CPZ: variants seen among roughly 807,000 people sequenced by gnomAD.
CPZ encodes the protein carboxypeptidase Z.
Under a neutral mutation model 61.8 loss-of-function variants are expected in CPZ, and 103 were observed. That is an observed-to-expected ratio of 1.67 (90% CI 1.42 to 1.96). The LOEUF is 1.96. Ranked by LOEUF, CPZ falls within the 30% of genes most tolerant of loss-of-function variation. CPZ has a pLI of 0.00. For missense variants in CPZ, 1,461 were observed against 914.9 expected (o/e 1.60, Z -7.70); for synonymous variants, 551 against 373.7 (o/e 1.47, Z -5.47).
intron 7 of CPZ, among the ~76,000 whole-genome samples, chr4:8,609,147 C>CTT (rs1247709088): frequency 2.1e-5 from 2 of 94,056 alleles, no homozygotes; most frequent in African/African-American, 8.6e-5. Flanking sequence ...TACTCATTCA[C>CTT]CCACTCCCTC....
chr4:8,604,034 C>T lies in CPZ; in HGVS notation c.555C>T (p.Phe185=). ...PSGLPPTFIR[F]SHHSYAQMVR... ...GGCTGCCGCCCACCTTCATCCGCTT[C>T]AGCCACCACTCCTACGCCCAGATGG... Residue 185 remains phenylalanine (F), a synonymous_variant, in exon 4 of 11, where the codon TTC becomes TTT. Coordinates refer to ENST00000360986, the MANE Select transcript of CPZ (RefSeq NM_001014447.3). 6.2e-7 allele frequency: 1 copy of T among 1,612,200 alleles called. No individual in the cohort carries two copies.
chr4:8,603,975 G>C lies in CPZ; in HGVS notation c.497-1G>C, dbSNP rs750039535. On this transcript the variant is annotated splice_acceptor_variant, in intron 3 of 10. Coordinates refer to ENST00000360986, the MANE Select transcript of CPZ (RefSeq NM_001014447.3). LOFTEE classifies it high-confidence loss of function. ...ACTGAGCCCCCCCACTGCTCCCCCAGGAGGCCTGGAGGCTGACGAGGCACT... is the reference window on the plus strand; with the variant it reads ...ACTGAGCCCCCCCACTGCTCCCCCACGAGGCCTGGAGGCTGACGAGGCACT... 5 of 1,611,854 alleles carry C rather than the reference G, an allele frequency of 3.1e-6. No homozygotes were observed. The highest frequency in any genetic ancestry group is 2.5e-6 in the Non-Finnish European group (3 of 1,179,764).
intron 9 of CPZ, 159 bp from the exon 10 acceptor site, chr4:8,618,270 C>T (rs771974167): frequency 3.1e-5 from 20 of 636,164 alleles, no homozygotes; most frequent in Admixed American, 1.9e-4. Flanking sequence ...GTGACTGACT[C>T]GTTAAAGATG....
chr4:8,604,404 T>C (rs1197417678), intron 4 of CPZ, among the ~76,000 whole-genome samples: 1 of 152,218 alleles, frequency 6.6e-6, no homozygotes, highest in Non-Finnish European at 1.5e-5. Context: ...CTTCAAAATG[T>C]AGGGTGGCAG....
At chr4:8,601,521 G>A (rs369339692) in intron 3 of CPZ, 24 bp downstream of exon 3, 3 of 1,443,572 alleles carry the variant, frequency 2.1e-6, no homozygotes, top group Admixed American at 2.5e-5. Flanking sequence ...GCGGGGGCCT[G>A]TGTGGTCATG....
chr4:8,614,856 G>A (rs1716029783), intron 9 of CPZ, among the ~76,000 whole-genome samples: 2 of 152,048 alleles, frequency 1.3e-5, no homozygotes, highest in African/African-American at 4.8e-5. Context: ...GGCAGCCGCA[G>A]GGCTTCATCT....
intron 4 of CPZ, 89 bp from the exon 5 acceptor site, chr4:8,605,900 C>A: frequency 5.3e-6 from 7 of 1,309,784 alleles, no homozygotes; most frequent in South Asian, 1.3e-5. Flanking sequence ...CCCAGCCCAT[C>A]TGGTCATTCT....
chr4:8,612,410 A>G (rs1036870815), intron 8 of CPZ, among the ~76,000 whole-genome samples: 3 of 152,174 alleles, frequency 2.0e-5, no homozygotes, highest in African/African-American at 7.2e-5. Flanking sequence ...ATGAACACTC[A>G]AATGTCACGG....
intron 2 of CPZ, among the ~76,000 whole-genome samples, chr4:8,600,571 C>A (rs928246627): frequency 6.6e-6 from 1 of 152,222 alleles, no homozygotes; most frequent in African/African-American, 2.4e-5. Flanking sequence ...AGGTGCCCAG[C>A]AACAATGAGG....
At chr4:8,606,326 A>C in intron 5 of CPZ, 141 bp downstream of exon 5, 1 of 831,128 alleles carries the variant, frequency 1.2e-6, no homozygotes, top group East Asian at 2.7e-5. Flanking sequence ...GATACTGGCA[A>C]ACCCCTGCTT....
rs1347991577 is a variant in CPZ at position 8,606,708 on chromosome 4, A to T, written c.907-29A>T. 5 of 1,613,572 alleles carry T rather than the reference A, an allele frequency of 3.1e-6. No homozygotes were observed. The African/African-American group carries it at 6.7e-5, about 22-fold the overall frequency. ...GAGGAGGGTGGGGTGTGCTGACCCC[A>T]CCCAGTCGGGGGTTGGCCATGTTTT... On this transcript the variant is annotated intron_variant, in intron 5 of 10. Transcript: ENST00000360986.
At chr4:8,617,913 C>T (rs1716323891) in intron 9 of CPZ, among the ~76,000 whole-genome samples, 1 of 152,042 alleles carries the variant, frequency 6.6e-6, no homozygotes, top group Non-Finnish European at 1.5e-5. Context: ...TGTTCAGGAC[C>T]AGTTCGTGCC....
In CPZ at chr4:8,601,116, T is replaced by C; in HGVS notation, c.122-7T>C. 1 of 1,560,106 alleles carries C rather than the reference T, an allele frequency of 6.4e-7. No individual in the cohort carries two copies. The highest frequency in any genetic ancestry group is 8.7e-7 in the Non-Finnish European group (1 of 1,147,316). The stretch of plus-strand genomic sequence containing the variant: ...GAGGGACTGACCTGCCGACCCTGCC[T>C]CCCCAGCCACCTGCGTGGACCTGCA... On this transcript the variant is annotated splice_polypyrimidine_tract_variant and splice_region_variant and intron_variant, in intron 2 of 10. Coordinates refer to ENST00000360986, the MANE Select transcript of CPZ (RefSeq NM_001014447.3).
chr4:8,615,059 G>A (rs1186462102), intron 9 of CPZ, among the ~76,000 whole-genome samples: 1 of 152,028 alleles, frequency 6.6e-6, no homozygotes, highest in Admixed American at 6.6e-5. Flanking sequence ...TGGGGTAGCT[G>A]TGTGGTTCAG....
At position 8,596,747 on chromosome 4, in the gene CPZ, TGGAAGCCACA is replaced by T. The variant is rs1246147356; in HGVS notation, c.89-2697_89-2688del. Among the ~76,000 whole-genome samples the T allele has an allele frequency of 2.0e-5, 3 of 152,170 alleles. No individual in the cohort carries two copies. The East Asian group carries it at 5.8e-4, about 29-fold the overall frequency. On this transcript the variant is annotated intron_variant, in intron 1 of 10. Transcript: ENST00000360986. ...GCCCTCATCTGTGAACAAGGGAGAC[TGGAAGCCACA>T]GGAAGCCAGGAAGGATCGCCTGTCC...
At chr4:8,610,180 C>G (rs1212482487) in intron 7 of CPZ, among the ~76,000 whole-genome samples, 1 of 152,196 alleles carries the variant, frequency 6.6e-6, no homozygotes, top group African/African-American at 2.4e-5. Flanking sequence ...TTTCTGGGTC[C>G]CCATTCAGTC....
chr4:8,607,424 A>G lies in CPZ; in HGVS notation c.1226A>G (p.Lys409Arg). ...ATGTTTTCTCCCACGCCCGACGAGA[A>G]GGTGAGAGGGCTGTCGGGTGTGTGC... ...EKMFSPTPDE[K>R]MFKLLSRAYA... Residue 409 changes from lysine (K) to arginine (R), a missense_variant and splice_region_variant, in exon 7 of 11, where the codon AAG (lysine) becomes AGG (arginine). Coordinates refer to ENST00000360986, the MANE Select transcript of CPZ (RefSeq NM_001014447.3). 1 of 1,613,826 alleles carries G rather than the reference A, an allele frequency of 6.2e-7. No individual in the cohort carries two copies. Among genetic ancestry groups the G allele is most frequent in the Non-Finnish European group, 8.5e-7 (1 of 1,179,868 alleles).
intron 7 of CPZ, among the ~76,000 whole-genome samples, chr4:8,611,608 G>A (rs1715694107): frequency 1.3e-5 from 2 of 152,200 alleles, no homozygotes; most frequent in Non-Finnish European, 2.9e-5. Context: ...GTTGGCTTTG[G>A]AGATGAAGTC....
intron 4 of CPZ, 107 bp from the exon 5 acceptor site, chr4:8,605,882 G>T (rs1714950270): frequency 9.2e-6 from 10 of 1,091,206 alleles, no homozygotes; most frequent in South Asian, 1.6e-5. Flanking sequence ...AAACAAGTAT[G>T]AATTGGTCCC....
Sources: gnomAD v4.1 joint callset for allele counts (sites outside exome capture counted in the v4.1 genomes callset) on GRCh38, gnomAD v4.1.1 for gene constraint, MANE v1.5 for transcripts, NCBI Gene and HGNC (gene_info 2026-07-23, HGNC 2026-07-21) for gene names.